Variants in OTUD7A observed in about 807,000 individuals in gnomAD.
OTUD7A encodes the protein OTU deubiquitinase 7A, also known as OTU domain-containing protein 7A.
OTUD7A carries 12 observed loss-of-function variants against 65.7 expected under a neutral mutation model. The observed-to-expected ratio is 0.18, with a 90% CI of 0.12 to 0.30. The LOEUF (loss-of-function observed/expected upper bound fraction) is 0.30. Among genes scored for constraint, OTUD7A ranks in the 10% least tolerant of loss-of-function variants. The pLI, the probability that OTUD7A is intolerant of heterozygous loss-of-function variation, is 1.00. For synonymous variants in OTUD7A, 641 were observed against 586.3 expected (o/e 1.09, Z -1.35); for missense variants, 1,148 against 1,304.8 (o/e 0.88, Z 1.85).
At chr15:31,685,551 A>T (rs12595344) in intron 1 of OTUD7A, among the ~76,000 whole-genome samples, 3 of 151,908 alleles carry the variant, frequency 2.0e-5, no homozygotes, top group Admixed American at 6.5e-5. Flanking sequence ...CCCAGCTACT[A>T]GGGAGGCTGA....
intron 1 of OTUD7A, among the ~76,000 whole-genome samples, chr15:31,669,609 C>T (rs576299187): frequency 6.6e-6 from 1 of 152,340 alleles, no homozygotes; most frequent in Non-Finnish European, 1.5e-5. Context: ...GTTCTACCCC[C>T]GCCTGTGGAG....
intron 1 of OTUD7A, among the ~76,000 whole-genome samples, chr15:31,793,900 A>G (rs1233315888): frequency 6.6e-6 from 1 of 152,208 alleles, no homozygotes; most frequent in South Asian, 2.1e-4. Context: ...TGGTCTCCCA[A>G]GCTGTCATCT....
rs1350831670 is a variant in OTUD7A at position 31,495,175 on chromosome 15, ACCCTCAGCCAGTTCTTT to A, written c.1171+6498_1171+6514del. Among the ~76,000 whole-genome samples, 5 of 150,956 alleles carry A rather than the reference ACCCTCAGCCAGTTCTTT, an allele frequency of 3.3e-5. No individual in the cohort carries two copies. The East Asian group carries it at 7.8e-4, about 24-fold the overall frequency. ...CCAGGCCTTCAGGCATGACTGAAAA[ACCCTCAGCCAGTTCTTT>A]CCGTGGAGTTAACTGTGGCTGGCAT... On this transcript the variant is annotated intron_variant, in intron 10 of 12. Transcript: ENST00000307050.
At chr15:31,624,411 G>A (rs1185070827) in intron 3 of OTUD7A, among the ~76,000 whole-genome samples, 1 of 152,194 alleles carries the variant, frequency 6.6e-6, no homozygotes, top group East Asian at 1.9e-4. Context: ...CATAGAAACA[G>A]AAGGAAGAAA....
chr15:31,608,482 G>A (rs1475139299), intron 3 of OTUD7A, among the ~76,000 whole-genome samples: 1 of 152,168 alleles, frequency 6.6e-6, no homozygotes, highest in Non-Finnish European at 1.5e-5. Context: ...GTGGAGGTGT[G>A]GAATGAGAGC....
intron 4 of OTUD7A, among the ~76,000 whole-genome samples, chr15:31,560,418 A>C (rs1172859414): frequency 6.6e-6 from 1 of 152,224 alleles, no homozygotes; most frequent in Non-Finnish European, 1.5e-5. Context: ...CTAAGGTACA[A>C]TATGTTACCA....
intron 4 of OTUD7A, among the ~76,000 whole-genome samples, chr15:31,561,379 C>T (rs1337351231): frequency 6.6e-6 from 1 of 152,198 alleles, no homozygotes; most frequent in Non-Finnish European, 1.5e-5. Context: ...AAAGAAGGAA[C>T]TGCCCCATTT....
intron 3 of OTUD7A, among the ~76,000 whole-genome samples, chr15:31,587,831 G>C (rs1178287621): frequency 6.6e-6 from 1 of 151,876 alleles, no homozygotes; most frequent in African/African-American, 2.4e-5. Context: ...ACCTGGGCCA[G>C]GGCTTTCTGC....
intron 1 of OTUD7A, among the ~76,000 whole-genome samples, chr15:31,710,635 G>A (rs865909781): frequency 4.1e-4 from 63 of 151,864 alleles, no homozygotes; most frequent in African/African-American, 1.3e-3. Flanking sequence ...GCTGCCGGGT[G>A]GAATGATCTG....
chr15:31,750,097 T>A (rs558717038), intron 1 of OTUD7A, among the ~76,000 whole-genome samples: 1 of 152,132 alleles, frequency 6.6e-6, no homozygotes, highest in Non-Finnish European at 1.5e-5. Context: ...TGCTCATGAA[T>A]TGGATGAATC....
At chr15:31,645,780 AACT>A (rs1465759862) in intron 3 of OTUD7A, among the ~76,000 whole-genome samples, 2 of 152,198 alleles carry the variant, frequency 1.3e-5, no homozygotes, top group Non-Finnish European at 2.9e-5. Context: ...CAGGTTGGCA[AACT>A]ACTGCCCATA....
At chr15:31,577,877 A>C (rs1433904813) in intron 3 of OTUD7A, among the ~76,000 whole-genome samples, 2 of 152,018 alleles carry the variant, frequency 1.3e-5, no homozygotes, top group African/African-American at 2.4e-5. Context: ...GGAATCGGAC[A>C]AGCTGATTTT....
intron 3 of OTUD7A, among the ~76,000 whole-genome samples, chr15:31,626,601 G>A (rs1490626474): frequency 6.6e-6 from 1 of 151,962 alleles, no homozygotes; most frequent in Non-Finnish European, 1.5e-5. Context: ...TTTGAGGCAG[G>A]GTCTCACTGT....
In OTUD7A at chr15:31,754,961, T is replaced by C. The variant is rs568686096; in HGVS notation, c.-99-97884A>G. Among the ~76,000 whole-genome samples the C allele has an allele frequency of 7.9e-5, 12 of 152,138 alleles. No homozygotes were observed. The East Asian group carries it at 2.1e-3, about 27-fold the overall frequency. ...TAACTGGTTGGTCTCCTTATTAGTC[T>C]AGTTGGCTGGCACAGAAGGAAGACG... On this transcript the variant is annotated intron_variant, in intron 1 of 12. Coordinates refer to ENST00000307050, the MANE Select transcript of OTUD7A (RefSeq NM_001382637.1).
At chr15:31,515,275 A>C (rs903815387) in intron 8 of OTUD7A, among the ~76,000 whole-genome samples, 1 of 152,138 alleles carries the variant, frequency 6.6e-6, no homozygotes, top group Non-Finnish European at 1.5e-5. Context: ...TAGCCCTCTC[A>C]GGCCTGGGTT....
At chr15:31,524,906 G>T (rs981409800) in intron 8 of OTUD7A, among the ~76,000 whole-genome samples, 1 of 152,252 alleles carries the variant, frequency 6.6e-6, no homozygotes, top group African/African-American at 2.4e-5. Context: ...GGGCCCCAGG[G>T]AGCAGGCAGC....
At chr15:31,859,384 T>C (rs1229531583) in intron 1 of OTUD7A, among the ~76,000 whole-genome samples, 3 of 152,234 alleles carry the variant, frequency 2.0e-5, no homozygotes, top group Non-Finnish European at 4.4e-5. Flanking sequence ...CTATAATACA[T>C]TGTTATTAAT....
intron 7 of OTUD7A, among the ~76,000 whole-genome samples, 170 bp downstream of exon 7, chr15:31,527,011 C>G (rs1009286100): frequency 6.6e-6 from 1 of 152,210 alleles, no homozygotes; most frequent in East Asian, 1.9e-4. Flanking sequence ...TTTTAACAGG[C>G]TCCTCCTCTG....
chr15:31,485,613 C>CCTACTA (rs1247113287), intron 12 of OTUD7A, among the ~76,000 whole-genome samples: 1 of 152,082 alleles, frequency 6.6e-6, no homozygotes, highest in Non-Finnish European at 1.5e-5. Context: ...GCAGGCAGCA[C>CCTACTA]CTACTACTAC....
Sources: gnomAD v4.1 joint callset for allele counts (sites outside exome capture counted in the v4.1 genomes callset) on GRCh38, gnomAD v4.1.1 for gene constraint, MANE v1.5 for transcripts, NCBI Gene and HGNC (gene_info 2026-07-23, HGNC 2026-07-21) for gene names.